STPG1: variants seen among roughly 807,000 people sequenced by gnomAD.
STPG1 encodes O(6)-methylguanine-induced apoptosis 2.
A neutral mutation model predicts 40.1 loss-of-function variants in STPG1; 33 were observed. The ratio of observed to expected loss-of-function variants is 0.82; its 90% CI spans 0.62 to 1.10. The LOEUF is 1.10. Among genes scored for constraint, STPG1 ranks in the 50% least tolerant of loss-of-function variants. The pLI is 0.00. For synonymous variants in STPG1, 150 were observed against 155.0 expected, an observed-to-expected ratio of 0.97 and a Z score of 0.24; for missense variants, 396 against 415.1, an observed-to-expected ratio of 0.95 and a Z score of 0.40.
intron 1 of STPG1, among the ~76,000 whole-genome samples, chr1:24,408,497 C>T (rs1489747675): frequency 6.6e-6 from 1 of 152,136 alleles, no homozygotes; most frequent in Non-Finnish European, 1.5e-5. Context: ...GCCTCTTTGG[C>T]CTCTCTGAAT....
At chr1:24,411,900 T>C (rs1395965425) in intron 1 of STPG1, 1 of 152,262 alleles carries the variant, frequency 6.6e-6, no homozygotes, top group Non-Finnish European at 1.5e-5. Flanking sequence ...AGTTCACTGT[T>C]GGACAGTTCT....
At chr1:24,368,894 AG>A (rs1641596350) in intron 7 of STPG1, 1 of 159,116 alleles carries the variant, frequency 6.3e-6, no homozygotes, top group Non-Finnish European at 1.4e-5. Context: ...TAGTAGAGAC[AG>A]GGTTTCACCA....
chr1:24,398,513 A>G (rs1259409292), intron 2 of STPG1, among the ~76,000 whole-genome samples: 1 of 152,124 alleles, frequency 6.6e-6, no homozygotes, highest in East Asian at 1.9e-4. Flanking sequence ...CATAAAATAT[A>G]TTAAAAATAC....
chr1:24,394,580 A>G (rs914530672), intron 2 of STPG1, among the ~76,000 whole-genome samples: 4 of 152,232 alleles, frequency 2.6e-5, no homozygotes, highest in African/African-American at 9.6e-5. Context: ...ACTGTATTTC[A>G]TATGTTCAAG....
chr1:24,382,890 T>A (rs1166215846), intron 4 of STPG1, among the ~76,000 whole-genome samples: 9 of 151,642 alleles, frequency 5.9e-5, no homozygotes, highest in Non-Finnish European at 1.0e-4. Flanking sequence ...TAATTTAATG[T>A]TAGAGTCTGG....
chr1:24,398,909 A>G (rs1643109795), intron 2 of STPG1, among the ~76,000 whole-genome samples: 1 of 152,214 alleles, frequency 6.6e-6, no homozygotes, highest in African/African-American at 2.4e-5. Flanking sequence ...ATTATCCTTA[A>G]ATTGATTTCT....
chr1:24,400,234 T>C (rs1034044567), intron 2 of STPG1, among the ~76,000 whole-genome samples: 9 of 152,240 alleles, frequency 5.9e-5, no homozygotes, highest in African/African-American at 2.2e-4. Context: ...GTTAAATCTC[T>C]GAAACATAAG....
rs1025352703 is a variant in STPG1 at position 24,399,286 on chromosome 1, T to G, written c.70+2033A>C. Among the ~76,000 whole-genome samples, 20 of 152,122 alleles carry G rather than the reference T, an allele frequency of 1.3e-4. No individual in the cohort carries two copies. Among genetic ancestry groups the G allele is most frequent in the Non-Finnish European group, 2.5e-4 (17 of 67,996 alleles). ...AGCTGCATATGCCTGGACACTTGATTTATGACAAAGGTAGCAACAGCAATA... is the reference window on the plus strand; with the variant it reads ...AGCTGCATATGCCTGGACACTTGATGTATGACAAAGGTAGCAACAGCAATA... On this transcript the variant is annotated intron_variant, in intron 2 of 8. Coordinates refer to ENST00000337248, the MANE Select transcript of STPG1 (RefSeq NM_001199013.2). This position sits in a 1 kb window ranked among gnomAD's most constrained non-coding sequence, Gnocchi z 4.0.
At chr1:24,363,085 G>A (rs922086555) in intron 7 of STPG1, among the ~76,000 whole-genome samples, 2 of 152,112 alleles carry the variant, frequency 1.3e-5, no homozygotes, top group Non-Finnish European at 2.9e-5. Context: ...ATTATATGAG[G>A]TCACCCCATC....
Position 24,399,420 on chromosome 1 carries a change from G to C in STPG1, c.70+1899C>G, listed in dbSNP as rs1436014692. ...CAAAAACAATTTCAAGTGAATTGTAGATCTAGATGTAAAAGGTAAAATAAT... is the reference window on the plus strand; with the variant it reads ...CAAAAACAATTTCAAGTGAATTGTACATCTAGATGTAAAAGGTAAAATAAT... On this transcript the variant is annotated intron_variant, in intron 2 of 8. Coordinates refer to ENST00000337248, the MANE Select transcript of STPG1 (RefSeq NM_001199013.2). This position sits in a 1 kb window ranked among gnomAD's most constrained non-coding sequence, Gnocchi z 4.0. Among the ~76,000 whole-genome samples the C allele has an allele frequency of 6.6e-6, 1 of 152,126 alleles. No homozygotes were observed. The highest frequency in any genetic ancestry group is 1.5e-5 in the Non-Finnish European group (1 of 68,004).
At position 24,390,950 on chromosome 1, in the gene STPG1, C is replaced by T. The variant is rs115245909; in HGVS notation, c.189+611G>A. On this transcript the variant is annotated intron_variant, in intron 3 of 8. Coordinates refer to ENST00000337248, the MANE Select transcript of STPG1 (RefSeq NM_001199013.2). The stretch of plus-strand genomic sequence containing the variant: ...GAGTAGCTGGGTCTACAGGCACACA[C>T]CACTATGCCAAGCTAATTTTTGTAC... Among the ~76,000 whole-genome samples, 225 of 152,136 alleles carry T rather than the reference C, an allele frequency of 1.5e-3. 1 individual carries two copies. Among genetic ancestry groups the T allele is most frequent in the African/African-American group, 5.1e-3 (213 of 41,496 alleles).
chr1:24,381,014 T>C (rs1469478259), intron 4 of STPG1, among the ~76,000 whole-genome samples: 1 of 152,204 alleles, frequency 6.6e-6, no homozygotes, highest in Non-Finnish European at 1.5e-5. Context: ...GGTGGGTTTT[T>C]GTGTTGAATC....
intron 4 of STPG1, 81 bp from the exon 5 acceptor site, chr1:24,379,904 C>T: frequency 7.1e-7 from 1 of 1,417,522 alleles, no homozygotes; most frequent in South Asian, 1.3e-5. Flanking sequence ...AGATGGTGAC[C>T]AGCACAAGGT....
chr1:24,403,878 C>T lies in STPG1; in HGVS notation c.-68-2422G>A, dbSNP rs146054268. 6.9e-4 allele frequency among the ~76,000 whole-genome samples: 105 copies of T among 151,930 alleles called. 1 individual carries two copies. In the Middle Eastern group the frequency reaches 0.01, roughly 15 times the overall value. On this transcript the variant is annotated intron_variant, in intron 1 of 8. Coordinates refer to ENST00000337248, the MANE Select transcript of STPG1 (RefSeq NM_001199013.2). ...GATTAGGAATTTCTACATATATAATCATGTTGTATGTGAATAAAACATTTT... is the reference window on the plus strand; with the variant it reads ...GATTAGGAATTTCTACATATATAATTATGTTGTATGTGAATAAAACATTTT...
At chr1:24,362,069 C>T (rs181542524) in intron 7 of STPG1, among the ~76,000 whole-genome samples, 3 of 152,298 alleles carry the variant, frequency 2.0e-5, no homozygotes, top group Admixed American at 1.3e-4. Context: ...GGAGGTTCTC[C>T]GCACTGAATG....
chr1:24,385,844 T>G (rs1401873367), intron 3 of STPG1, among the ~76,000 whole-genome samples: 1 of 152,238 alleles, frequency 6.6e-6, no homozygotes, highest in East Asian at 1.9e-4. Context: ...CTTCCTTATT[T>G]GTAAGTCCAA....
Position 24,383,980 on chromosome 1 carries a change from G to T in STPG1, c.213C>A (p.Phe71Leu). 1 of 1,613,294 alleles carries T rather than the reference G, an allele frequency of 6.2e-7. No homozygotes were observed. Among genetic ancestry groups the T allele is most frequent in the South Asian group, 1.1e-5 (1 of 91,052 alleles). ...CCGGTGACTGGTGAATAACATTGTA[G>T]AACCCAGGTCCTGGGATATCATTCT... ...HKKNDIPGPGFYNVIHQSPVS... is the reference protein window; with the variant it reads ...HKKNDIPGPGLYNVIHQSPVS... Residue 71 changes from phenylalanine (F) to leucine (L), a missense_variant, in exon 4 of 9, where the codon TTC becomes TTA. Coordinates refer to ENST00000337248, the MANE Select transcript of STPG1 (RefSeq NM_001199013.2).
intron 2 of STPG1, among the ~76,000 whole-genome samples, chr1:24,396,036 T>C (rs1642986129): frequency 6.6e-6 from 1 of 152,046 alleles, no homozygotes; most frequent in South Asian, 2.1e-4. Flanking sequence ...GTAGGGTTTA[T>C]ACCATATGTA....
At chr1:24,366,740 C>T (rs563580581) in intron 7 of STPG1, among the ~76,000 whole-genome samples, 20 of 152,246 alleles carry the variant, frequency 1.3e-4, no homozygotes, top group Non-Finnish European at 2.2e-4. Context: ...ACCCTTCTTT[C>T]GCTTATAGAG....
Sources: gnomAD v4.1 joint callset for allele counts (sites outside exome capture counted in the v4.1 genomes callset) on GRCh38, gnomAD v4.1.1 for gene constraint, Gnocchi (gnomAD v3.1) non-coding constraint, MANE v1.5 for transcripts, NCBI Gene and HGNC (gene_info 2026-07-23, HGNC 2026-07-21) for gene names.